CDON: variants seen among roughly 807,000 people sequenced by gnomAD.
CDON encodes cell adhesion associated, oncogene regulated, also known as cell adhesion molecule-related/down-regulated by oncogenes.
CDON carries 73 observed loss-of-function variants against 120.9 expected under a neutral mutation model. The observed-to-expected ratio is 0.60, with a 90% confidence interval of 0.50 to 0.73. The LOEUF is 0.73. CDON is among the 30% of genes least tolerant of loss of function. CDON has a pLI of 0.00. For synonymous variants in CDON, 566 were observed against 573.5 expected, an observed-to-expected ratio of 0.99 and a Z score of 0.19; for missense variants, 1,470 against 1,587.3, an observed-to-expected ratio of 0.93 and a Z score of 1.26.
intron 1 of CDON, 55 bp from the exon 2 acceptor site, chr11:126,023,592 G>T: frequency 1.2e-6 from 1 of 814,280 alleles, no homozygotes. Flanking sequence ...CGTCTGAGCA[G>T]CTGGAGCTGT....
chr11:126,051,751 G>A (rs1200597483), intron 1 of CDON, among the ~76,000 whole-genome samples: 1 of 150,656 alleles, frequency 6.6e-6, no homozygotes, highest in African/African-American at 2.4e-5. Flanking sequence ...GAGTTCAAGC[G>A]ATTCTCCTGC....
chr11:126,006,485 T>C (rs938138193), intron 8 of CDON, among the ~76,000 whole-genome samples: 10 of 152,012 alleles, frequency 6.6e-5, no homozygotes, highest in African/African-American at 2.4e-4. Context: ...CTGGGCAACA[T>C]GGTGAAACCC....
chr11:126,005,963 C>A lies in CDON; in HGVS notation c.1647G>T (p.Gly549=), dbSNP rs1947114494. The part of the protein sequence containing the change: ...DRSKRDGSET[G]LLSSFPVKVH... Reference sequence around the variant, plus strand: ...CCTTCACCGGAAATGAGCTCAGTAACCCAGTTTCTGAACCATCTCTCTTAC... The same window carrying A: ...CCTTCACCGGAAATGAGCTCAGTAAACCAGTTTCTGAACCATCTCTCTTAC... The change falls in exon 9 of 20, where the codon GGG becomes GGT. Residue 549 remains glycine, a synonymous_variant. Coordinates refer to ENST00000531738, the MANE Select transcript of CDON (RefSeq NM_001378964.1). 1 of 1,613,980 alleles carries A rather than the reference C, an allele frequency of 6.2e-7. No homozygotes were observed. The highest frequency in any genetic ancestry group is 8.5e-7 in the Non-Finnish European group (1 of 1,180,020).
At chr11:126,027,387 A>G (rs984481954) in intron 1 of CDON, among the ~76,000 whole-genome samples, 9 of 152,246 alleles carry the variant, frequency 5.9e-5, no homozygotes, top group Non-Finnish European at 1.3e-4. Context: ...AAATCTTTCA[A>G]TGGTACATCA....
intron 1 of CDON, among the ~76,000 whole-genome samples, chr11:126,029,204 T>A (rs1157818163): frequency 1.3e-5 from 2 of 152,170 alleles, no homozygotes; most frequent in African/African-American, 4.8e-5. Context: ...CTATTAGGGA[T>A]TTTTTTAAAC....
intron 16 of CDON, among the ~76,000 whole-genome samples, chr11:125,983,056 A>T (rs963310321): frequency 1.3e-5 from 2 of 152,312 alleles, no homozygotes; most frequent in East Asian, 3.9e-4. Flanking sequence ...AAAGGGGAGC[A>T]TGCGTGAGAA....
chr11:126,018,406 T>A lies in CDON; in HGVS notation c.564A>T (p.Ser188=), dbSNP rs1323385066. The A allele has an allele frequency of 6.2e-7, 1 of 1,613,716 alleles. No homozygotes were observed. Among genetic ancestry groups the A allele is most frequent in the Admixed American group, 1.7e-5 (1 of 60,020 alleles). Residue 188 remains serine, a synonymous_variant, in exon 5 of 20, where the codon TCA becomes TCT. Transcript: ENST00000531738. ...CAGGATTATAAGCTGCACATTTGTA[T>A]GATCCCTTGTCCTCTAAGGATACAT... ...ILNVSLEDKG[S]YKCAAYNPVT...
chr11:126,037,790 A>G (rs1948140990), intron 1 of CDON, among the ~76,000 whole-genome samples: 1 of 152,182 alleles, frequency 6.6e-6, no homozygotes, highest in Non-Finnish European at 1.5e-5. Context: ...CAGAACACTT[A>G]CTTAGTATGG....
rs569198020 is a variant in CDON, at chr11:126,000,364, C to CA, written c.2158+1354dup. Among the ~76,000 whole-genome samples the CA allele has an allele frequency of 1.5e-4, 23 of 152,106 alleles. No individual in the cohort carries two copies. In the East Asian group the frequency reaches 4.3e-3, roughly 28 times the overall value. ...CTAGGACTACAGGTGTACCCCACCACACATGGCTACTTTTAAAATTTTTTG... is the reference window on the plus strand; with the variant it reads ...CTAGGACTACAGGTGTACCCCACCACAACATGGCTACTTTTAAAATTTTTTG... On this transcript the variant is annotated intron_variant, in intron 11 of 19. Coordinates refer to ENST00000531738, the MANE Select transcript of CDON (RefSeq NM_001378964.1).
chr11:126,022,256 T>A lies in CDON; in HGVS notation c.77-736A>T, dbSNP rs11220315. Among the ~76,000 whole-genome samples, 72 of 152,256 alleles carry A rather than the reference T, an allele frequency of 4.7e-4. No homozygotes were observed. The East Asian group carries it at 0.013, about 27-fold the overall frequency. On this transcript the variant is annotated intron_variant, in intron 2 of 19. Transcript: ENST00000531738. ...CCCTATTTTACCAACAGGATTTGATTTACGAGAGCAAGTTTTTCTACAAAT... is the reference window on the plus strand; with the variant it reads ...CCCTATTTTACCAACAGGATTTGATATACGAGAGCAAGTTTTTCTACAAAT...
intron 1 of CDON, among the ~76,000 whole-genome samples, chr11:126,055,796 C>CTTA (rs1948668742): frequency 1.3e-5 from 2 of 152,030 alleles, no homozygotes; most frequent in Non-Finnish European, 2.9e-5. Flanking sequence ...ATTTCTGATA[C>CTTA]CAATACACTT....
intron 14 of CDON, 115 bp from the exon 15 acceptor site, chr11:125,989,874 T>C: frequency 1.1e-6 from 1 of 922,716 alleles, no homozygotes; most frequent in Non-Finnish European, 1.7e-6. Context: ...ATCCAGTAGT[T>C]TGTGCAATAA....
chr11:126,020,425 G>A (rs561830078), intron 3 of CDON, among the ~76,000 whole-genome samples: 38 of 152,204 alleles, frequency 2.5e-4, no homozygotes, highest in Non-Finnish European at 7.4e-5. Context: ...AGTTCACTAC[G>A]GACGGAGCCT....
At chr11:126,028,157 T>C (rs888488854) in intron 1 of CDON, among the ~76,000 whole-genome samples, 18 of 152,214 alleles carry the variant, frequency 1.2e-4, no homozygotes, top group African/African-American at 1.4e-4. Context: ...AAGTACACAT[T>C]CAATACAGAA....
chr11:126,010,856 A>G (rs1947282731), intron 7 of CDON, 162 bp from the exon 8 acceptor site: 2 of 685,706 alleles, frequency 2.9e-6, no homozygotes, highest in Admixed American at 2.0e-5. Context: ...AAGACTGTCA[A>G]TAAATGGTAG....
In CDON at chr11:126,038,172, G is replaced by A. The variant is rs186017735; in HGVS notation, c.-61-14635C>T. Among the ~76,000 whole-genome samples the A allele has an allele frequency of 2.5e-4, 38 of 152,196 alleles. No individual in the cohort carries two copies. The East Asian group carries it at 5.6e-3, about 22-fold the overall frequency. On this transcript the variant is annotated intron_variant, in intron 1 of 19. Coordinates refer to ENST00000531738, the MANE Select transcript of CDON (RefSeq NM_001378964.1). ...TTTCATTCTAAGAACCTGGAGAGGC[G>A]GGCCTTTCACTTTACATTCAGGTAA... is the stretch of plus-strand genomic sequence containing the variant.
chr11:125,973,562 CTGCTTAAAACCATCCACAGA>C (rs1209915139), intron 18 of CDON, among the ~76,000 whole-genome samples: 4 of 152,098 alleles, frequency 2.6e-5, no homozygotes, highest in Non-Finnish European at 5.9e-5. Flanking sequence ...AAACGAATTC[CTGCTTAAAACCATCCACAGA>C]TGTGCCATGG....
intron 18 of CDON, among the ~76,000 whole-genome samples, chr11:125,971,351 C>A (rs568097251): frequency 2.0e-5 from 3 of 151,192 alleles, no homozygotes; most frequent in South Asian, 4.2e-4. Context: ...CCACTGCACT[C>A]CAGCCTGGGC....
At chr11:126,017,050 T>C in intron 6 of CDON, 38 bp downstream of exon 6, 10 of 1,570,562 alleles carry the variant, frequency 6.4e-6, no homozygotes, top group Non-Finnish European at 8.7e-6. Context: ...ACCAGAAAAA[T>C]GGCTTCATTT....
Sources: gnomAD v4.1 joint callset for allele counts (sites outside exome capture counted in the v4.1 genomes callset) on GRCh38, gnomAD v4.1.1 for gene constraint, MANE v1.5 for transcripts, NCBI Gene and HGNC (gene_info 2026-07-23, HGNC 2026-07-21) for gene names.